CTPS2: variants seen among roughly 807,000 people sequenced by gnomAD.
CTPS2 encodes the protein CTP synthase II.
In CTPS2, 19 loss-of-function variants were observed where a neutral mutation model predicts 46.8. That is an observed-to-expected ratio of 0.41 (90% CI 0.28 to 0.60). The LOEUF (loss-of-function observed/expected upper bound fraction) is 0.60. Among genes scored for constraint, CTPS2 ranks in the 20% least tolerant of loss-of-function variants. The probability of loss-of-function intolerance (pLI) is 0.35; values close to 1 mark genes in which losing one functional copy is unlikely to be tolerated. For missense variants in CTPS2, 286 were observed against 447.6 expected (o/e 0.64, Z 3.26); for synonymous variants, 151 against 165.2 (o/e 0.91, Z 0.66).
At chrX:16,620,891 A>G (rs1280858631) in intron 14 of CTPS2, among the ~76,000 whole-genome samples, 1 of 112,230 alleles carries the variant, frequency 8.9e-6, no homozygotes, top group African/African-American at 3.2e-5. Context: ...AAATGTACCT[A>G]TCCTATGATC....
intron 1 of CTPS2, among the ~76,000 whole-genome samples, chrX:16,706,059 C>A (rs1338228975): frequency 2.8e-5 from 3 of 107,487 alleles, no homozygotes; most frequent in African/African-American, 6.8e-5. Context: ...CGAGATTGTG[C>A]CACTGCACTC....
Position 16,590,831 on chromosome X carries a change from A to G in CTPS2, c.1723T>C (p.Phe575Leu), listed in dbSNP as rs766717924. The change falls in exon 18 of 19, where the codon TTT (phenylalanine) becomes CTT (leucine). Residue 575 changes from phenylalanine to leucine, a missense_variant. Physicochemically the swap from Phe to Leu is conservative, Grantham distance 22. Transcript: ENST00000359276. ...AACTCAGCTATCCTTGGCTCTGAAA[A>G]GCTGTCATCACTGGCATCACTGTAT... ...DRYSDASDDS[F>L]SEPRIAELEI... 8.3e-7 allele frequency: 1 copy of G among 1,202,866 alleles called. No individual in the cohort carries two copies. Among genetic ancestry groups the G allele is most frequent in the African/African-American group, 1.7e-5 (1 of 57,616 alleles).
chrX:16,670,274 T>G (rs1278838619), intron 11 of CTPS2, among the ~76,000 whole-genome samples: 1 of 112,057 alleles, frequency 8.9e-6, no homozygotes, highest in African/African-American at 3.2e-5. Flanking sequence ...GTAAAGATTC[T>G]AGCCTCTTTC....
At chrX:16,623,257 A>G (rs146239992) in intron 14 of CTPS2, among the ~76,000 whole-genome samples, 2,554 of 112,032 alleles carry the variant, frequency 0.023, 29 homozygotes, top group Non-Finnish European at 0.034. Flanking sequence ...CCTTTCAGTT[A>G]CAAACAATCC....
In CTPS2 at chrX:16,589,655, G is replaced by A. The variant is rs1159124962; in HGVS notation, c.*162C>T. On this transcript the variant is annotated 3_prime_UTR_variant, in exon 19 of 19. Transcript: ENST00000359276. Reference sequence around the variant, plus strand: ...CTCTGGTTCTGGTTGACAGAAGTATGTATTATCAGATTCCCTGTGAGGCTT... The same window carrying A: ...CTCTGGTTCTGGTTGACAGAAGTATATATTATCAGATTCCCTGTGAGGCTT... The A allele has an allele frequency of 8.9e-6, 1 of 112,295 alleles. No homozygotes were observed. The highest frequency in any genetic ancestry group is 1.9e-5 in the Non-Finnish European group (1 of 53,324). The allele number at this position is 112,295 out of a possible 1,213,427, so 9.3% of individuals were successfully genotyped here.
At chrX:16,627,249 C>G (rs1280276015) in intron 14 of CTPS2, among the ~76,000 whole-genome samples, 1 of 111,736 alleles carries the variant, frequency 8.9e-6, no homozygotes, top group Non-Finnish European at 1.9e-5. Context: ...TTTTAAGGAC[C>G]AGAGCCCTCT....
At chrX:16,681,981 T>C (rs1435414150) in intron 9 of CTPS2, among the ~76,000 whole-genome samples, 3 of 112,334 alleles carry the variant, frequency 2.7e-5, no homozygotes, top group Non-Finnish European at 5.6e-5. Flanking sequence ...AAATAATCAC[T>C]GTTTGCTAGC....
chrX:16,663,325 A>G (rs1933024771), intron 13 of CTPS2, among the ~76,000 whole-genome samples: 1 of 110,905 alleles, frequency 9.0e-6, no homozygotes, highest in South Asian at 3.8e-4. Flanking sequence ...TTATTTATTT[A>G]TTGTAGAGGC....
chrX:16,648,412 C>G (rs893400854), intron 13 of CTPS2, among the ~76,000 whole-genome samples: 4 of 111,943 alleles, frequency 3.6e-5, no homozygotes, highest in East Asian at 2.8e-4. Flanking sequence ...ATTAGTGAAT[C>G]TAGTCGAAAG....
chrX:16,660,181 G>A (rs960698066), intron 13 of CTPS2, among the ~76,000 whole-genome samples: 9 of 110,121 alleles, frequency 8.2e-5, no homozygotes, highest in Admixed American at 9.7e-5. Flanking sequence ...CACCAAGAGT[G>A]TGCAAGGGTT....
intron 9 of CTPS2, among the ~76,000 whole-genome samples, chrX:16,680,983 C>T (rs745934710): frequency 2.7e-5 from 3 of 111,627 alleles, no homozygotes; most frequent in Non-Finnish European, 3.8e-5. Flanking sequence ...GTCAGGAGTT[C>T]GAGACCAGCC....
intron 13 of CTPS2, among the ~76,000 whole-genome samples, chrX:16,664,453 G>A (rs774249773): frequency 9.0e-6 from 1 of 111,650 alleles, no homozygotes; most frequent in Non-Finnish European, 1.9e-5. Flanking sequence ...TAAAAAAAAA[G>A]AGTGAAGAAT....
At chrX:16,679,819 C>A (rs764698948) in intron 9 of CTPS2, among the ~76,000 whole-genome samples, 2 of 111,493 alleles carry the variant, frequency 1.8e-5, no homozygotes, top group Non-Finnish European at 3.8e-5. Flanking sequence ...CAGAACCCGG[C>A]CACATGCTGG....
chrX:16,700,198 C>T (rs1924449821), intron 2 of CTPS2, among the ~76,000 whole-genome samples: 1 of 107,005 alleles, frequency 9.3e-6, no homozygotes, highest in African/African-American at 3.4e-5. Flanking sequence ...CTCACTGCAA[C>T]CTCTGACTCC....
intron 13 of CTPS2, among the ~76,000 whole-genome samples, chrX:16,664,262 A>G (rs1173254492): frequency 8.9e-6 from 1 of 112,545 alleles, no homozygotes; most frequent in African/African-American, 3.2e-5. Flanking sequence ...CCCAAAGTAT[A>G]TCTTAGAAAA....
chrX:16,596,191 T>G (rs899855558), intron 17 of CTPS2, among the ~76,000 whole-genome samples: 11 of 110,864 alleles, frequency 9.9e-5, no homozygotes, highest in Non-Finnish European at 1.9e-4. Flanking sequence ...TTTTTTTGTT[T>G]TTTTTTTTAT....
At chrX:16,592,448 T>C (rs943446013) in intron 17 of CTPS2, among the ~76,000 whole-genome samples, 3 of 111,829 alleles carry the variant, frequency 2.7e-5, no homozygotes, top group African/African-American at 9.8e-5. Flanking sequence ...TCAGCTGCAG[T>C]TTGGCTTTTG....
intron 13 of CTPS2, among the ~76,000 whole-genome samples, chrX:16,651,731 T>A (rs1260509608): frequency 1.8e-5 from 2 of 112,352 alleles, no homozygotes; most frequent in African/African-American, 3.2e-5. Flanking sequence ...TCCTGGGCCA[T>A]AAAGTTTCAC....
intron 13 of CTPS2, among the ~76,000 whole-genome samples, chrX:16,656,521 T>C (rs1932824126): frequency 1.8e-5 from 2 of 110,598 alleles, no homozygotes; most frequent in Admixed American, 1.9e-4. Context: ...GGCATTCTCC[T>C]GCCTCAGCCT....
Sources: gnomAD v4.1 joint callset for allele counts (sites outside exome capture counted in the v4.1 genomes callset) on GRCh38, gnomAD v4.1.1 for gene constraint, MANE v1.5 for transcripts, NCBI Gene and HGNC (gene_info 2026-07-23, HGNC 2026-07-21) for gene names.